Variants in AHNAK2 observed in about 807,000 individuals in gnomAD.
AHNAK2 encodes AHNAK nucleoprotein 2.
In AHNAK2, 18 loss-of-function variants were observed where a neutral mutation model predicts 30.7. The observed-to-expected ratio is 0.59, with a 90% CI of 0.41 to 0.87. AHNAK2 has a LOEUF of 0.87. Ranked by LOEUF, AHNAK2 falls within the 40% of genes least tolerant of loss-of-function variation. The pLI, the probability that AHNAK2 is intolerant of heterozygous loss-of-function variation, is 0.00. For missense variants in AHNAK2, 8,604 were observed against 7,373.0 expected, an observed-to-expected ratio of 1.17 and a Z score of -6.11; for synonymous variants, 3,590 against 3,073.8, an observed-to-expected ratio of 1.17 and a Z score of -5.56.
chr14:104,941,405 G>GC lies in AHNAK2; in HGVS notation c.14045dup (p.Asp4683ArgfsTer3). 2 of 1,613,170 alleles carry GC rather than the reference G, an allele frequency of 1.2e-6. No homozygotes were observed. The highest frequency in any genetic ancestry group is 1.7e-6 in the Non-Finnish European group (2 of 1,179,826). ...CAACAGCAAGCCCCAAGTTACCATC[G>GC]CGAGATGGATCATGAAGATCACCTT... On this transcript the variant is annotated frameshift_variant, in exon 7 of 7. Coordinates refer to ENST00000333244, the MANE Select transcript of AHNAK2 (RefSeq NM_138420.4). LOFTEE classifies it low-confidence loss of function (END_TRUNC).
At position 104,952,871 on chromosome 14, in the gene AHNAK2, C is replaced by T. The variant is rs770742377; in HGVS notation, c.2580G>A (p.Ala860=). ...KSMEDSVDVS[A]PKVEADVSLS... ...GGCTCACGTCGGCCTCCACCTTCGG[C>T]GCAGACACATCCACCGAGTCCTCCA... The change falls in exon 7 of 7, where the codon GCG becomes GCA. Residue 860 remains alanine (A), a synonymous_variant. Transcript: ENST00000333244. 2.2e-5 allele frequency: 36 copies of T among 1,611,570 alleles called. No homozygotes were observed. The highest frequency in any genetic ancestry group is 1.6e-4 in the Middle Eastern group (1 of 6,064).
chr14:104,948,542 G>GTCCCCC lies in AHNAK2; in HGVS notation c.6903_6908dup (p.Glu2301_Gly2302dup), dbSNP rs1009301938. ...TCACGTCCTTGTCGGCCAGGGACAT[G>GTCCCCC]TCCCCCTCCAGCCGCGCACCATCCA... On this transcript the variant is annotated inframe_insertion, in exon 7 of 7. Transcript: ENST00000333244. 3 of 1,612,068 alleles carry GTCCCCC rather than the reference G, an allele frequency of 1.9e-6. No individual in the cohort carries two copies. The African/African-American group carries it at 4.1e-5, about 22-fold the overall frequency.
intron 1 of AHNAK2, among the ~76,000 whole-genome samples, chr14:104,960,901 G>A (rs1899115567): frequency 6.6e-6 from 1 of 151,878 alleles, no homozygotes; most frequent in Admixed American, 6.6e-5. Context: ...GGAGGCCAAG[G>A]AGGGCAGATC....
At chr14:104,965,895 AC>A (rs1899289424) in intron 1 of AHNAK2, among the ~76,000 whole-genome samples, 1 of 151,948 alleles carries the variant, frequency 6.6e-6, no homozygotes, top group Admixed American at 6.6e-5. Flanking sequence ...TATGTGGACC[AC>A]CCTGCCTGCC....
rs754029462 is a variant in AHNAK2 at position 104,946,951 on chromosome 14, C to T, written c.8500G>A (p.Ala2834Thr). The T allele has an allele frequency of 4.3e-6, 7 of 1,612,734 alleles. No homozygotes were observed. The African/African-American group carries it at 9.4e-5, about 22-fold the overall frequency. ...TTCAGCTCAGACACATCCACCGAGGCCTCGATGGACTTGCCTGGGGCCGAC... is the reference window on the plus strand; with the variant it reads ...TTCAGCTCAGACACATCCACCGAGGTCTCGATGGACTTGCCTGGGGCCGAC... ...GVSAPGKSIE[A>T]SVDVSELKVE... Residue 2834 changes from alanine (A) to threonine (T), a missense_variant, in exon 7 of 7, where the codon GCC becomes ACC. By Grantham distance (58) the Ala-to-Thr change is moderately conservative. Transcript: ENST00000333244.
rs553099198 is a variant in AHNAK2, at chr14:104,954,237, C to A, written c.1214G>T (p.Cys405Phe). ...TCCCCCTTCCTGAGGGGTTCCCTCG[C>A]AAAGTCTAGGGTCACCGAGCTCTGT... Reference protein sequence around the residue: ...LPTELGDPRLCEGTPQEGGLR... With the variant: ...LPTELGDPRLFEGTPQEGGLR... Residue 405 changes from cysteine (C) to phenylalanine (F), a missense_variant, in exon 7 of 7, where the codon TGC becomes TTC. Cys to Phe is a radical substitution (Grantham distance 205). Coordinates refer to ENST00000333244, the MANE Select transcript of AHNAK2 (RefSeq NM_138420.4). The surrounding 1 kb of genome is among the most constrained non-coding windows in gnomAD (Gnocchi z 4.3). The A allele has an allele frequency of 3.6e-5, 58 of 1,612,048 alleles. No homozygotes were observed. Among genetic ancestry groups the A allele is most frequent in the Non-Finnish European group, 4.7e-5 (55 of 1,179,838 alleles).
rs368351553 is a variant in AHNAK2 at position 104,938,466 on chromosome 14, C to G, written c.16985G>C (p.Gly5662Ala). Residue 5662 changes from glycine to alanine, a missense_variant, in exon 7 of 7, where the codon GGT (glycine) becomes GCT (alanine). Physicochemically the swap from Gly to Ala is moderately conservative, Grantham distance 60 (BLOSUM62 0). Coordinates refer to ENST00000333244, the MANE Select transcript of AHNAK2 (RefSeq NM_138420.4). ...IGFSSSVDET[G>A]VDSKNDVQRS... is the part of the protein sequence containing the mutation. ...CTGGACGTCATTTTTGGAATCAACA[C>G]CTGTCTCATCAACAGAAGAGGAAAA... is the stretch of plus-strand genomic sequence containing the variant. 6.2e-7 allele frequency: 1 copy of G among 1,613,792 alleles called. No homozygotes were observed. The highest frequency in any genetic ancestry group is 8.5e-7 in the Non-Finnish European group (1 of 1,179,878).
rs762732667 is a variant in AHNAK2, at chr14:104,952,921, C to T, written c.2530G>A (p.Gly844Arg). Residue 844 changes from glycine (G) to arginine (R), a missense_variant, in exon 7 of 7, where the codon GGG becomes AGG. Physicochemically the swap from Gly to Arg is moderately radical, Grantham distance 125. Transcript: ENST00000333244. ...ATGGACTTGCCTGGGGCCGACACCC[C>T]GAATGATGGCATCTTGAACTTGGGC... ...KMPKFKMPSFGVSAPGKSMED... is the reference protein window; with the variant it reads ...KMPKFKMPSFRVSAPGKSMED... 4.0e-5 allele frequency: 65 copies of T among 1,611,880 alleles called. 1 individual carries two copies. The Admixed American group carries it at 8.4e-4, about 21-fold the overall frequency.
chr14:104,968,558 G>C (rs1461089186), intron 1 of AHNAK2, among the ~76,000 whole-genome samples: 1 of 152,210 alleles, frequency 6.6e-6, no homozygotes, highest in Non-Finnish European at 1.5e-5. Flanking sequence ...CAGGTCCGTG[G>C]GGGGAGGAGG....
chr14:104,944,372 G>C lies in AHNAK2; in HGVS notation c.11079C>G (p.Ala3693=), dbSNP rs778069965. The C allele has an allele frequency of 1.2e-6, 2 of 1,611,090 alleles. No homozygotes were observed. Among genetic ancestry groups the C allele is most frequent in the Non-Finnish European group, 8.5e-7 (1 of 1,178,914 alleles). ...TCTGGCCAGCCTGGACCTTCAGGTC[G>C]GCAGAAGGGGGCTGAATGCTGAGGT... ...TTDLSIQPPS[A]DLKVQAGQMD... Residue 3693 remains alanine (A), a synonymous_variant, in exon 7 of 7, where the codon GCC becomes GCG. Transcript: ENST00000333244.
intron 1 of AHNAK2, among the ~76,000 whole-genome samples, chr14:104,976,714 G>A (rs1899601713): frequency 1.3e-5 from 2 of 152,226 alleles, no homozygotes; most frequent in Non-Finnish European, 2.9e-5. Context: ...CCTCTGTGGA[G>A]GCAGGGGGTG....
In AHNAK2 at chr14:104,944,996, C is replaced by T. The variant is rs369031332; in HGVS notation, c.10455G>A (p.Val3485=). Reference sequence around the variant, plus strand: ...CCTCGATGGACCTGCCTGGGGCCGACACCCCGAAGGAGGGCATCTTGAACT... The same window carrying T: ...CCTCGATGGACCTGCCTGGGGCCGATACCCCGAAGGAGGGCATCTTGAACT... ...MPKFKMPSFG[V]SAPGRSIEAS... Residue 3485 remains valine, a synonymous_variant, in exon 7 of 7, where the codon GTG becomes GTA. Coordinates refer to ENST00000333244, the MANE Select transcript of AHNAK2 (RefSeq NM_138420.4). 4.7e-5 allele frequency: 76 copies of T among 1,612,384 alleles called. No individual in the cohort carries two copies. Among genetic ancestry groups the T allele is most frequent in the African/African-American group, 3.1e-4 (23 of 74,466 alleles).
At chr14:104,955,300 G>A (rs1898938842) in intron 5 of AHNAK2, 159 bp from the exon 6 acceptor site, 3 of 1,264,604 alleles carry the variant, frequency 2.4e-6, no homozygotes, top group Admixed American at 2.6e-5. Flanking sequence ...GCACAGGCAA[G>A]GTGGATGGGG....
chr14:104,954,709 C>T lies in AHNAK2; in HGVS notation c.742G>A (p.Val248Met), dbSNP rs576723441. 5.0e-6 allele frequency: 8 copies of T among 1,612,960 alleles called. No homozygotes were observed. In the South Asian group the frequency reaches 7.7e-5, roughly 16 times the overall value. The part of the protein sequence containing the change: ...DQERLISKPR[V>M]GRGRQSQRER... ...CTCTGGCTCTGCCTGCCTCTCCCCA[C>T]CCTTGGTTTGGAGATGAGTCTCTCT... The change falls in exon 7 of 7, where the codon GTG becomes ATG. Residue 248 changes from valine (V) to methionine (M), a missense_variant. Val to Met is a conservative substitution (Grantham distance 21). Transcript: ENST00000333244. The surrounding 1 kb of genome is among the most constrained non-coding windows in gnomAD (Gnocchi z 4.3).
chr14:104,950,634 T>G lies in AHNAK2; in HGVS notation c.4817A>C (p.Lys1606Thr), dbSNP rs77454674. ...GGCTGTCACTTCCACCTTGGGGCCT[T>G]TCAGGTCCAGCTTGGGGCCCTTAAC... ...IDVKGPKLDLKGPKVEVTAPD... is the reference protein window; with the variant it reads ...IDVKGPKLDLTGPKVEVTAPD... The change falls in exon 7 of 7, where the codon AAA (lysine) becomes ACA (threonine). Residue 1606 changes from lysine (K) to threonine (T), a missense_variant. Transcript: ENST00000333244. The G allele has an allele frequency of 6.0e-3, 9,586 of 1,586,768 alleles. 1,386 individuals are homozygous for G. The East Asian group carries it at 0.14, about 24-fold the overall frequency.
chr14:104,945,809 G>C lies in AHNAK2; in HGVS notation c.9642C>G (p.Gly3214=), dbSNP rs1455746067. The part of the protein sequence containing the change: ...AGQVDVKLPE[G]HVLEGAGLKG... ...TGAGGCCAGCTCCCTCGAGAACGTG[G>C]CCCTCTGGGAGCTTCACGTCCACCT... The change falls in exon 7 of 7, where the codon GGC becomes GGG. Residue 3214 remains glycine (G), a synonymous_variant. Coordinates refer to ENST00000333244, the MANE Select transcript of AHNAK2 (RefSeq NM_138420.4). 2.0e-6 allele frequency: 3 copies of C among 1,523,382 alleles called. No homozygotes were observed. Among genetic ancestry groups the C allele is most frequent in the Non-Finnish European group, 2.7e-6 (3 of 1,111,084 alleles). 94.4% of individuals were successfully genotyped at this position (1,523,382 alleles called of 1,614,324 possible). A position where few individuals can be genotyped will look rare whatever the true frequency, so the allele number is the denominator to read the frequency against.
rs1158106146 is a variant in AHNAK2 at position 104,948,211 on chromosome 14, C to G, written c.7240G>C (p.Val2414Leu). 6.2e-7 allele frequency: 1 copy of G among 1,612,290 alleles called. No individual in the cohort carries two copies. Reference protein sequence around the residue: ...LQMPSFKMPKVDLKGPQIDVK... With the variant: ...LQMPSFKMPKLDLKGPQIDVK... ...TCTATCTGGGGGCCCTTGAGATCTA[C>G]TTTGGGCATCTTGAAACTGGGCATC... Residue 2414 changes from valine to leucine, a missense_variant, in exon 7 of 7, where the codon GTA becomes CTA. Physicochemically the swap from Val to Leu is conservative, Grantham distance 32. Transcript: ENST00000333244.
In AHNAK2 at chr14:104,978,193, G is replaced by T; in HGVS notation, c.45C>A (p.Thr15=). Residue 15 remains threonine (T), a synonymous_variant, in exon 1 of 7, where the codon ACC becomes ACA. Transcript: ENST00000333244. ...CGGGGAGGGGCGCACCGCTGCCGGG[G>T]GTTCCGGGCCAGGTGGGCAGCACCA... ...FHMVLPTWPG[T]PGSVSGRQLQ... The T allele has an allele frequency of 8.2e-7, 1 of 1,215,944 alleles. No individual in the cohort carries two copies. The highest frequency in any genetic ancestry group is 1.0e-6 in the Non-Finnish European group (1 of 976,980). The allele number at this position is 1,215,944 out of a possible 1,614,324, so 75.3% of individuals were successfully genotyped here. A position where few individuals can be genotyped will look rare whatever the true frequency, so the allele number is the denominator to read the frequency against.
intron 4 of AHNAK2, 149 bp downstream of exon 4, chr14:104,956,439 A>G: frequency 1.4e-6 from 1 of 723,224 alleles, no homozygotes; most frequent in South Asian, 1.7e-5. Context: ...AGGCCTGACA[A>G]GGGGGACAAG....
Sources: gnomAD v4.1 joint callset for allele counts (sites outside exome capture counted in the v4.1 genomes callset) on GRCh38, gnomAD v4.1.1 for gene constraint, Gnocchi (gnomAD v3.1) non-coding constraint, MANE v1.5 for transcripts, NCBI Gene and HGNC (gene_info 2026-07-23, HGNC 2026-07-21) for gene names.